CWF19L1: variants seen among roughly 807,000 people sequenced by gnomAD.
CWF19L1 encodes CWF19 like cell cycle control factor 1, also known as CWF19-like protein 1.
A neutral mutation model predicts 69.7 loss-of-function variants in CWF19L1; 60 were observed. The ratio of observed to expected loss-of-function variants is 0.86; its 90% CI spans 0.70 to 1.07. CWF19L1 has a LOEUF of 1.07. Among genes scored for constraint, CWF19L1 ranks in the 50% least tolerant of loss-of-function variants. The pLI is 0.00. For synonymous variants in CWF19L1, 209 were observed against 222.2 expected (o/e 0.94, Z 0.53); for missense variants, 591 against 638.9 (o/e 0.92, Z 0.81).
chr10:100,253,672 A>C (rs1202994292), intron 5 of CWF19L1, 133 bp from the exon 6 acceptor site: 8 of 580,708 alleles, frequency 1.4e-5, no homozygotes, highest in Non-Finnish European at 2.5e-5. Flanking sequence ...CTGCACATTG[A>C]ATTTCATAAG....
At chr10:100,251,563 G>A (rs1289538374) in intron 6 of CWF19L1, among the ~76,000 whole-genome samples, 2 of 139,176 alleles carry the variant, frequency 1.4e-5, no homozygotes, top group Non-Finnish European at 3.0e-5. Flanking sequence ...CCAGGCTGGA[G>A]TGCAGTGGCG....
chr10:100,255,526 G>T (rs1028944014), intron 5 of CWF19L1, among the ~76,000 whole-genome samples: 6 of 152,100 alleles, frequency 3.9e-5, no homozygotes, highest in African/African-American at 1.2e-4. Context: ...ACTTTGGGAG[G>T]CCGAGGCAGG....
chr10:100,238,840 G>C (rs1166057455), intron 10 of CWF19L1, among the ~76,000 whole-genome samples: 1 of 150,762 alleles, frequency 6.6e-6, no homozygotes, highest in Admixed American at 6.7e-5. Flanking sequence ...GCTGAGACAG[G>C]AGAATTGCTT....
chr10:100,260,180 CA>C lies in CWF19L1; in HGVS notation c.289+37del, dbSNP rs554223010. 20 of 1,449,940 alleles carry C rather than the reference CA, an allele frequency of 1.4e-5. No individual in the cohort carries two copies. The African/African-American group carries it at 2.4e-4, about 18-fold the overall frequency. The allele number at this position is 1,449,940 out of a possible 1,614,324, so 89.8% of individuals were successfully genotyped here. On this transcript the variant is annotated intron_variant, in intron 4 of 13. Transcript: ENST00000354105. ...AAGACTCCGTCTCAAAAACAAAAAA[CA>C]AAAAACAAAAAAAAAATACAACAAG...
chr10:100,258,958 T>C (rs1589631509), intron 4 of CWF19L1, among the ~76,000 whole-genome samples: 1 of 147,546 alleles, frequency 6.8e-6, no homozygotes, highest in Non-Finnish European at 1.5e-5. Context: ...ATCCCAGCAC[T>C]TTGGGAGGCT....
rs756068263 is a variant in CWF19L1, at chr10:100,246,865, T to C, written c.779A>G (p.Asp260Gly). 3.0e-5 allele frequency: 49 copies of C among 1,613,968 alleles called. No homozygotes were observed. Among genetic ancestry groups the C allele is most frequent in the South Asian group, 2.2e-5 (2 of 91,088 alleles). ...TTTTCTGTAAGGGTTTTCAGTGACA[T>C]CCGGAGGCTGTTTTACCAGTTCTGC... The part of the protein sequence containing the change: ...DAAELVKQPP[D>G]VTENPYRKSG... The change falls in exon 8 of 14, where the codon GAT becomes GGT. Residue 260 changes from aspartate to glycine, a missense_variant. Physicochemically the swap from Asp to Gly is moderately conservative, Grantham distance 94. This residue lies in a region of CWF19L1 where 458 missense variants were observed against 489.3 expected (regional missense o/e 0.94). Coordinates refer to ENST00000354105, the MANE Select transcript of CWF19L1 (RefSeq NM_018294.6).
Position 100,267,207 on chromosome 10 carries a change from CT to C in CWF19L1, c.23+363del, listed in dbSNP as rs1456487790. Reference sequence around the variant, plus strand: ...GGGTCCCTATCTACTCTGTCCACCACTGCCCAGGGCCCATCAGTGGGCCCAA... The same window carrying C: ...GGGTCCCTATCTACTCTGTCCACCACGCCCAGGGCCCATCAGTGGGCCCAA... On this transcript the variant is annotated intron_variant, in intron 1 of 13. Coordinates refer to ENST00000354105, the MANE Select transcript of CWF19L1 (RefSeq NM_018294.6). 2.7e-5 allele frequency among the ~76,000 whole-genome samples: 4 copies of C among 145,786 alleles called. No individual in the cohort carries two copies. In the Admixed American group the frequency reaches 2.8e-4, roughly 10 times the overall value.
intron 11 of CWF19L1, chr10:100,237,348 G>A (rs1212445106): frequency 2.2e-6 from 1 of 448,488 alleles, no homozygotes; most frequent in Non-Finnish European, 4.4e-6. Context: ...GCCCCATGCA[G>A]GCTTTGAGAC....
At chr10:100,261,915 C>T (rs780760016) in intron 2 of CWF19L1, 64 bp downstream of exon 2, 1 of 1,433,642 alleles carries the variant, frequency 7.0e-7, no homozygotes, top group Non-Finnish European at 9.5e-7. Flanking sequence ...TAAAGGAGTG[C>T]AAACTTTATT....
intron 1 of CWF19L1, among the ~76,000 whole-genome samples, chr10:100,264,939 A>C (rs1847522548): frequency 6.6e-6 from 1 of 151,832 alleles, no homozygotes; most frequent in Non-Finnish European, 1.5e-5. Context: ...TGGGTAACAT[A>C]GCAAAACCCC....
At chr10:100,241,685 C>A (rs1846645097) in intron 10 of CWF19L1, among the ~76,000 whole-genome samples, 1 of 152,226 alleles carries the variant, frequency 6.6e-6, no homozygotes, top group Admixed American at 6.5e-5. Flanking sequence ...TGGCACCTGG[C>A]AATGGCCTTC....
At chr10:100,248,280 G>C in intron 7 of CWF19L1, 1 of 1,350,182 alleles carries the variant, frequency 7.4e-7, no homozygotes, top group Non-Finnish European at 1.0e-6. Flanking sequence ...AAAGTGTTTT[G>C]AGTCCGTTGG....
At chr10:100,249,317 TAGTGGA>T (rs1483534720) in intron 7 of CWF19L1, among the ~76,000 whole-genome samples, 1 of 152,254 alleles carries the variant, frequency 6.6e-6, no homozygotes, top group East Asian at 1.9e-4. Context: ...TGGCATGTGA[TAGTGGA>T]ATAATCTTCA....
In CWF19L1 at chr10:100,267,588, T is replaced by C; in HGVS notation, c.6A>G (p.Ala2=). Residue 2 remains alanine (A), a synonymous_variant, in exon 1 of 14, where the codon GCA becomes GCG. Coordinates refer to ENST00000354105, the MANE Select transcript of CWF19L1 (RefSeq NM_018294.6). ...TCACTCACAGGCGCAGCGGTTTCTG[T>C]GCCATCTGTCCGAATAGTATGGGTT... The part of the protein sequence containing the change: M[A]QKPLRLLACG... The C allele has an allele frequency of 1.2e-6, 2 of 1,614,210 alleles. No homozygotes were observed. The highest frequency in any genetic ancestry group is 1.7e-6 in the Non-Finnish European group (2 of 1,180,038).
At chr10:100,256,011 G>C (rs1383883739) in intron 5 of CWF19L1, among the ~76,000 whole-genome samples, 5 of 152,102 alleles carry the variant, frequency 3.3e-5, no homozygotes, top group African/African-American at 4.8e-5. Context: ...ACTTGAAGCA[G>C]AGAATATAAA....
intron 8 of CWF19L1, 68 bp downstream of exon 8, chr10:100,246,727 T>C: frequency 7.1e-7 from 1 of 1,413,788 alleles, no homozygotes; most frequent in Non-Finnish European, 9.6e-7. Flanking sequence ...ATTAAACTTG[T>C]CTTATGTACT....
intron 4 of CWF19L1, among the ~76,000 whole-genome samples, chr10:100,259,036 A>G (rs2134318197): frequency 6.6e-6 from 1 of 151,990 alleles, no homozygotes; most frequent in Non-Finnish European, 1.5e-5. Context: ...TCCCGTCTCT[A>G]CTAAAAATAC....
intron 11 of CWF19L1, chr10:100,237,380 C>A: frequency 2.4e-6 from 1 of 415,964 alleles, no homozygotes; most frequent in South Asian, 1.8e-5. Flanking sequence ...ACTAAGCTTT[C>A]CCTCATGCTG....
intron 1 of CWF19L1, among the ~76,000 whole-genome samples, chr10:100,266,311 C>A (rs1308690670): frequency 6.6e-6 from 1 of 151,542 alleles, no homozygotes; most frequent in Non-Finnish European, 1.5e-5. Flanking sequence ...CCTGCTTCAG[C>A]CTCCCAATTA....
Sources: gnomAD v4.1 joint callset for allele counts (sites outside exome capture counted in the v4.1 genomes callset) on GRCh38, gnomAD v4.1.1 for gene constraint, gnomAD v4.1.1 regional missense constraint, MANE v1.5 for transcripts, NCBI Gene and HGNC (gene_info 2026-07-23, HGNC 2026-07-21) for gene names.